LRP1B: variants seen among roughly 807,000 people sequenced by gnomAD.
LRP1B encodes the protein LDL receptor related protein 1B, also known as low-density lipoprotein receptor-related protein 1B.
Under a neutral mutation model 556.6 loss-of-function variants are expected in LRP1B, and 217 were observed. The ratio of observed to expected loss-of-function variants is 0.39; its 90% CI spans 0.35 to 0.44. The LOEUF (loss-of-function observed/expected upper bound fraction) is 0.44. LRP1B is among the 20% of genes least tolerant of loss of function. The pLI is 1.00. For missense variants in LRP1B, 5,053 were observed against 5,620.8 expected (o/e 0.90, Z 3.23); for synonymous variants, 2,047 against 1,865.8 (o/e 1.10, Z -2.50).
intron 33 of LRP1B, among the ~76,000 whole-genome samples, chr2:140,774,944 C>T (rs1264338795): frequency 6.6e-6 from 1 of 152,090 alleles, no homozygotes; most frequent in Non-Finnish European, 1.5e-5. Flanking sequence ...TATGTATATA[C>T]ATTCTCTTGG....
At chr2:140,248,420 CATT>C (rs1211735369) in intron 86 of LRP1B, among the ~76,000 whole-genome samples, 1 of 151,588 alleles carries the variant, frequency 6.6e-6, no homozygotes, top group East Asian at 1.9e-4. Flanking sequence ...AAATTAATAT[CATT>C]ATATTATGAT....
intron 1 of LRP1B, among the ~76,000 whole-genome samples, chr2:142,094,293 G>A (rs1706278421): frequency 6.6e-6 from 1 of 152,006 alleles, no homozygotes; most frequent in African/African-American, 2.4e-5. Context: ...TTGGCTGTAA[G>A]GCTGGTGTTT....
At position 141,726,594 on chromosome 2, in the gene LRP1B, C is replaced by T. The variant is rs1012635977; in HGVS notation, c.205+83685G>A. Among the ~76,000 whole-genome samples the T allele has an allele frequency of 3.9e-5, 6 of 152,110 alleles. No homozygotes were observed. In the East Asian group the frequency reaches 9.7e-4, roughly 25 times the overall value. On this transcript the variant is annotated intron_variant, in intron 2 of 90. Coordinates refer to ENST00000389484, the MANE Select transcript of LRP1B (RefSeq NM_018557.3). ...AAGACTGGAAATTACTCCCCAGTAA[C>T]ATCAATCCTTGGTATATTAATATAA... is the stretch of plus-strand genomic sequence containing the variant.
intron 11 of LRP1B, among the ~76,000 whole-genome samples, chr2:141,023,253 T>A (rs917947545): frequency 6.6e-6 from 1 of 151,938 alleles, no homozygotes; most frequent in Non-Finnish European, 1.5e-5. Context: ...ATATAAATAG[T>A]GCATTAAACA....
chr2:140,949,008 C>A (rs1249221667), intron 20 of LRP1B, among the ~76,000 whole-genome samples: 1 of 151,374 alleles, frequency 6.6e-6, no homozygotes, highest in East Asian at 1.9e-4. Context: ...AATTTAGACA[C>A]TGTCTATCTT....
At chr2:141,923,403 C>CTATATATATATATATATA (rs61682272) in intron 1 of LRP1B, among the ~76,000 whole-genome samples, 2,119 of 101,998 alleles carry the variant, frequency 0.021, 223 homozygotes, top group African/African-American at 0.044. Context: ...ATCTCTGTCA[C>CTATATATATATATATATA]TATATATATA....
chr2:141,507,162 T>C (rs7593653), intron 2 of LRP1B, among the ~76,000 whole-genome samples: 3,858 of 152,264 alleles, frequency 0.025, 158 homozygotes, highest in African/African-American at 0.088. Context: ...GCATCTTGCC[T>C]AAAATGTTTA....
intron 43 of LRP1B, among the ~76,000 whole-genome samples, chr2:140,571,861 C>G (rs929479742): frequency 6.6e-6 from 1 of 151,742 alleles, no homozygotes; most frequent in Non-Finnish European, 1.5e-5. Context: ...TTACAGCCAA[C>G]TCATTTTTGA....
At chr2:141,702,470 C>A (rs1214073172) in intron 2 of LRP1B, among the ~76,000 whole-genome samples, 1 of 151,754 alleles carries the variant, frequency 6.6e-6, no homozygotes, top group Admixed American at 6.6e-5. Context: ...TAACTACTTT[C>A]AACATTTTAT....
intron 11 of LRP1B, among the ~76,000 whole-genome samples, chr2:141,020,606 T>A (rs79980673): frequency 0.014 from 2,168 of 152,126 alleles, 54 homozygotes; most frequent in African/African-American, 0.048. Flanking sequence ...GGCACAAGTA[T>A]GAAAGCCCAG....
chr2:140,899,588 T>A (rs1362100777), intron 23 of LRP1B, among the ~76,000 whole-genome samples: 1 of 152,224 alleles, frequency 6.6e-6, no homozygotes, highest in African/African-American at 2.4e-5. Context: ...CTGGTATGGT[T>A]AATCTAAGGA....
intron 43 of LRP1B, among the ~76,000 whole-genome samples, chr2:140,567,690 C>T (rs1348106245): frequency 1.3e-5 from 2 of 152,162 alleles, no homozygotes; most frequent in African/African-American, 4.8e-5. Context: ...ACAACTAGAA[C>T]CCTGTGCCAC....
chr2:140,362,517 ATC>A (rs1682559410), intron 72 of LRP1B, among the ~76,000 whole-genome samples: 1 of 151,698 alleles, frequency 6.6e-6, no homozygotes, highest in Non-Finnish European at 1.5e-5. Flanking sequence ...CAATAGGTTT[ATC>A]TGGCTACAAT....
intron 2 of LRP1B, among the ~76,000 whole-genome samples, chr2:141,627,469 C>A (rs1249367574): frequency 6.6e-6 from 1 of 152,166 alleles, no homozygotes; most frequent in Non-Finnish European, 1.5e-5. Context: ...AAGTGGGCCG[C>A]ACAGCAGGAG....
At chr2:141,227,047 C>A (rs907916966) in intron 6 of LRP1B, among the ~76,000 whole-genome samples, 3 of 152,050 alleles carry the variant, frequency 2.0e-5, no homozygotes, top group Admixed American at 2.0e-4. Context: ...ACAACAACAA[C>A]AACAACAAAA....
At chr2:140,497,703 A>G (rs1689004971) in intron 55 of LRP1B, among the ~76,000 whole-genome samples, 1 of 151,800 alleles carries the variant, frequency 6.6e-6, no homozygotes, top group African/African-American at 2.4e-5. Context: ...CCTCTAAAAC[A>G]GTATTATTAA....
chr2:140,789,935 CT>C (rs1360577878), intron 32 of LRP1B, among the ~76,000 whole-genome samples: 1 of 152,000 alleles, frequency 6.6e-6, no homozygotes, highest in Non-Finnish European at 1.5e-5. Flanking sequence ...CGGCCAAGGA[CT>C]TTTTATTTGC....
intron 4 of LRP1B, among the ~76,000 whole-genome samples, chr2:141,254,152 C>T (rs1364072792): frequency 6.6e-6 from 1 of 152,004 alleles, no homozygotes; most frequent in Non-Finnish European, 1.5e-5. Flanking sequence ...TTATAAAGAA[C>T]ATTACATGAT....
intron 2 of LRP1B, among the ~76,000 whole-genome samples, chr2:141,575,012 T>C (rs1234376255): frequency 6.6e-6 from 1 of 152,020 alleles, no homozygotes; most frequent in Admixed American, 6.6e-5. Flanking sequence ...ATCAATATTG[T>C]GAAAATGGCC....
Sources: gnomAD v4.1 joint callset for allele counts (sites outside exome capture counted in the v4.1 genomes callset) on GRCh38, gnomAD v4.1.1 for gene constraint, MANE v1.5 for transcripts, NCBI Gene and HGNC (gene_info 2026-07-23, HGNC 2026-07-21) for gene names.